NFASC: variants seen among roughly 807,000 people sequenced by gnomAD.
The protein encoded by NFASC is neurofascin.
In NFASC, 43 loss-of-function variants were observed where a neutral mutation model predicts 147.5. That is an observed-to-expected ratio of 0.29 (90% CI 0.23 to 0.38). The LOEUF (loss-of-function observed/expected upper bound fraction) is 0.38. NFASC is among the 10% of genes least tolerant of loss of function. NFASC has a pLI of 1.00. For missense variants in NFASC, 1,320 were observed against 1,689.0 expected (o/e 0.78, Z 3.83); for synonymous variants, 622 against 665.5 (o/e 0.93, Z 1.01).
At chr1:205,007,156 T>G (rs2096133986) in intron 27 of NFASC, among the ~76,000 whole-genome samples, 1 of 149,118 alleles carries the variant, frequency 6.7e-6, no homozygotes, top group Non-Finnish European at 1.5e-5. Flanking sequence ...CCTCAAGGGT[T>G]TTTTTTTTTA....
intron 27 of NFASC, chr1:205,009,080 G>A (rs546602821): frequency 3.6e-5 from 9 of 247,084 alleles, no homozygotes; most frequent in South Asian, 1.5e-4. Context: ...GCAGGCCTGC[G>A]AAGGTGTTCT....
At chr1:204,857,348 G>A (rs555490479) in intron 1 of NFASC, among the ~76,000 whole-genome samples, 50 of 152,322 alleles carry the variant, frequency 3.3e-4, no homozygotes, top group Admixed American at 7.8e-4. Flanking sequence ...CTCTGGCATC[G>A]CCAACCTTGT....
intron 1 of NFASC, among the ~76,000 whole-genome samples, chr1:204,893,046 A>C (rs1468531232): frequency 6.6e-6 from 1 of 152,252 alleles, no homozygotes. Context: ...GAACTAAAGA[A>C]TCTGTAGGAA....
intron 17 of NFASC, among the ~76,000 whole-genome samples, chr1:204,978,255 C>T (rs896469404): frequency 5.3e-5 from 8 of 152,160 alleles, no homozygotes; most frequent in Non-Finnish European, 1.0e-4. Context: ...CTTGCCTACC[C>T]GTACCACTCA....
At chr1:204,874,262 G>A (rs1217872615) in intron 1 of NFASC, among the ~76,000 whole-genome samples, 2 of 152,166 alleles carry the variant, frequency 1.3e-5, no homozygotes, top group Non-Finnish European at 2.9e-5. Flanking sequence ...ATAACCCATG[G>A]TCTCCATGTT....
rs78862696 is a variant in NFASC, at chr1:204,848,968, A to G, written c.-200+20186A>G. ...GTTCAAAATACAAAAGTCAAGTTTGACATGTGGAATGAGATTCCTAGGGCT... is the reference window on the plus strand; with the variant it reads ...GTTCAAAATACAAAAGTCAAGTTTGGCATGTGGAATGAGATTCCTAGGGCT... On this transcript the variant is annotated intron_variant, in intron 1 of 29. Coordinates refer to ENST00000339876, the MANE Select transcript of NFASC (RefSeq NM_001005388.3). 5.2e-3 allele frequency among the ~76,000 whole-genome samples: 787 copies of G among 152,380 alleles called. 5 individuals are homozygous for G. Among genetic ancestry groups the G allele is most frequent in the African/African-American group, 0.018 (739 of 41,588 alleles).
Position 204,954,365 on chromosome 1 carries a change from G to T in NFASC, c.393G>T (p.Arg131Ser). The T allele has an allele frequency of 6.2e-7, 1 of 1,614,116 alleles. No individual in the cohort carries two copies. The highest frequency in any genetic ancestry group is 1.1e-5 in the South Asian group (1 of 91,062). Residue 131 changes from arginine (R) to serine (S), a missense_variant, in exon 6 of 30, where the codon AGG (arginine) becomes AGT (serine). Physicochemically the swap from Arg to Ser is moderately radical, Grantham distance 110. This residue lies in a region of NFASC where 981 missense variants were observed against 1,289.5 expected (regional missense o/e 0.76). Transcript: ENST00000339876. The surrounding 1 kb of genome is among the most constrained non-coding windows in gnomAD (Gnocchi z 5.7). ...RNKFGTALSN[R>S]IRLQVSKSPL... ...AATTTGGCACGGCCCTGTCCAATAG[G>T]ATCCGCCTGCAGGTGTCTAGTGAGT...
At chr1:204,900,616 G>A (rs1201897608) in intron 1 of NFASC, among the ~76,000 whole-genome samples, 1 of 152,160 alleles carries the variant, frequency 6.6e-6, no homozygotes, top group African/African-American at 2.4e-5. Context: ...TAAAATATGT[G>A]TACATTAGGT....
intron 21 of NFASC, among the ~76,000 whole-genome samples, chr1:204,984,669 C>T (rs1460773706): frequency 2.6e-5 from 4 of 152,060 alleles, no homozygotes; most frequent in Non-Finnish European, 5.9e-5. Context: ...AAATGCCCTC[C>T]CTGTTGTCGC....
intron 3 of NFASC, chr1:204,947,153 A>C: frequency 3.6e-6 from 1 of 277,406 alleles, no homozygotes; most frequent in South Asian, 3.6e-5. Context: ...CTCAAGACCC[A>C]TGGGCTTCTG....
intron 10 of NFASC, among the ~76,000 whole-genome samples, chr1:204,970,225 A>G (rs2095183076): frequency 6.6e-6 from 1 of 152,172 alleles, no homozygotes; most frequent in Non-Finnish European, 1.5e-5. Context: ...CTTCCCTAGC[A>G]GTGGAGCCAT....
intron 24 of NFASC, among the ~76,000 whole-genome samples, chr1:204,991,782 C>T (rs758340281): frequency 4.6e-5 from 7 of 152,230 alleles, no homozygotes; most frequent in Non-Finnish European, 1.0e-4. Context: ...ATGCCAGCTT[C>T]GCATGCTGCA....
intron 1 of NFASC, among the ~76,000 whole-genome samples, chr1:204,919,626 G>T (rs4950973): frequency 0.28 from 43,202 of 151,906 alleles, 7,037 homozygotes; most frequent in Non-Finnish European, 0.37. Flanking sequence ...ACCATTTCCT[G>T]CAGACACTTT....
intron 1 of NFASC, among the ~76,000 whole-genome samples, chr1:204,855,214 A>T (rs775064477): frequency 1.3e-5 from 2 of 152,216 alleles, no homozygotes; most frequent in Non-Finnish European, 1.5e-5. Context: ...TTAGCCTCTT[A>T]CCTCAAGGGC....
intron 21 of NFASC, chr1:204,984,374 T>TAC: frequency 8.0e-6 from 1 of 125,616 alleles, no homozygotes; most frequent in African/African-American, 3.7e-5. Flanking sequence ...TGTGTGTATA[T>TAC]ATATACGCAT....
intron 1 of NFASC, among the ~76,000 whole-genome samples, chr1:204,841,080 G>T (rs1182740090): frequency 1.3e-5 from 2 of 152,182 alleles, no homozygotes; most frequent in African/African-American, 4.8e-5. Context: ...ACGACCCTTT[G>T]GGGTCTCACT....
intron 1 of NFASC, among the ~76,000 whole-genome samples, chr1:204,884,879 T>A (rs2081001106): frequency 6.6e-6 from 1 of 152,156 alleles, no homozygotes; most frequent in African/African-American, 2.4e-5. Context: ...ATAGAGCGCA[T>A]GGTCTTACTA....
intron 1 of NFASC, among the ~76,000 whole-genome samples, chr1:204,843,140 G>C (rs1471394845): frequency 6.6e-6 from 1 of 152,208 alleles, no homozygotes; most frequent in Non-Finnish European, 1.5e-5. Flanking sequence ...GGGCTTCTGA[G>C]AGCAAGAATC....
At chr1:204,878,966 A>G (rs2079573630) in intron 1 of NFASC, among the ~76,000 whole-genome samples, 1 of 152,160 alleles carries the variant, frequency 6.6e-6, no homozygotes, top group Non-Finnish European at 1.5e-5. Context: ...TTGAAGAGCA[A>G]TTTCTTCCTA....
Sources: allele counts gnomAD v4.1 joint callset (sites outside exome capture counted in the v4.1 genomes callset), GRCh38; gene constraint gnomAD v4.1.1; regional missense constraint gnomAD v4.1.1; non-coding constraint Gnocchi (gnomAD v3.1); transcripts MANE v1.5; gene names NCBI Gene and HGNC (gene_info 2026-07-23, HGNC 2026-07-21).